Variants in TBC1D24 observed in about 807,000 individuals in gnomAD.
TBC1D24 encodes TBC1 domain family member 24, also known as Infantile myoclonic epilepsy.
TBC1D24 carries 47 observed loss-of-function variants against 50.7 expected under a neutral mutation model. That is an observed-to-expected ratio of 0.93 (90% confidence interval 0.73 to 1.18). TBC1D24 has a LOEUF of 1.18. Among genes scored for constraint, TBC1D24 ranks in the 50% most tolerant of loss-of-function variants. TBC1D24 has a pLI of 0.00. For synonymous variants in TBC1D24, 324 were observed against 335.2 expected, an observed-to-expected ratio of 0.97 and a Z score of 0.36; for missense variants, 688 against 766.5, an observed-to-expected ratio of 0.90 and a Z score of 1.21.
At position 2,504,512 on chromosome 16, in the gene TBC1D24, G is replaced by A. The variant is rs1488378530; in HGVS notation, c.*3554G>A. 1.4e-5 allele frequency: 2 copies of A among 143,564 alleles called. No homozygotes were observed. Among genetic ancestry groups the A allele is most frequent in the African/African-American group, 5.2e-5 (2 of 38,530 alleles). The allele number at this position is 143,564 out of a possible 1,614,324, so 8.9% of individuals were successfully genotyped here. A position where few individuals can be genotyped will look rare whatever the true frequency, so the allele number is the denominator to read the frequency against. ...CGGCTCACCGCAAGCCCCGCCTCCCGGATTCACGCCATTCTCCTGCCTCAG... is the reference window on the plus strand; with the variant it reads ...CGGCTCACCGCAAGCCCCGCCTCCCAGATTCACGCCATTCTCCTGCCTCAG... On this transcript the variant is annotated 3_prime_UTR_variant, in exon 8 of 8. Coordinates refer to ENST00000646147, the MANE Select transcript of TBC1D24 (RefSeq NM_001199107.2).
rs2141877103 is a variant in TBC1D24, at chr16:2,500,333, A to C, written c.1368A>C (p.Pro456=). The change falls in exon 7 of 8, where the codon CCA becomes CCC. Residue 456 remains proline (P), a synonymous_variant. Coordinates refer to ENST00000646147, the MANE Select transcript of TBC1D24 (RefSeq NM_001199107.2). This position sits in a 1 kb window ranked among gnomAD's most constrained non-coding sequence, Gnocchi z 8.0. The part of the protein sequence containing the change: ...VIKHPELTKP[P]PLMAAEPTAP... Reference sequence around the variant, plus strand: ...AGCACCCCGAGCTGACCAAGCCCCCACCCTTGATGGCTGCCGAGCCCACCG... The same window carrying C: ...AGCACCCCGAGCTGACCAAGCCCCCCCCCTTGATGGCTGCCGAGCCCACCG... 1 of 1,610,404 alleles carries C rather than the reference A, an allele frequency of 6.2e-7. No individual in the cohort carries two copies.
At chr16:2,494,750 C>G (rs1405185036) in intron 1 of TBC1D24, among the ~76,000 whole-genome samples, 1 of 152,080 alleles carries the variant, frequency 6.6e-6, no homozygotes, top group African/African-American at 2.4e-5. Flanking sequence ...TCTCTAGCCT[C>G]TCATTACTCA....
chr16:2,500,441 C>A lies in TBC1D24; in HGVS notation c.1476C>A (p.Ser492=). ...CCGCTCGCCACTTCAACCTGCCCTC[C>A]AAGACCGAGTCCATGTTCATGGCGG... ...FLAARHFNLP[S]KTESMFMAGG... Residue 492 remains serine, a synonymous_variant, in exon 7 of 8, where the codon TCC becomes TCA. Coordinates refer to ENST00000646147, the MANE Select transcript of TBC1D24 (RefSeq NM_001199107.2). This position sits in a 1 kb window ranked among gnomAD's most constrained non-coding sequence, Gnocchi z 8.0. 1 of 1,601,140 alleles carries A rather than the reference C, an allele frequency of 6.2e-7. No homozygotes were observed. The highest frequency in any genetic ancestry group is 2.3e-5 in the East Asian group (1 of 44,266).
rs1022822964 is a variant in TBC1D24 at position 2,498,326 on chromosome 16, CCCGAGCGCTTTG to C, written c.1075_1086del (p.Glu359_Ala362del). 6.2e-7 allele frequency: 1 copy of C among 1,610,640 alleles called. No homozygotes were observed. Among genetic ancestry groups the C allele is most frequent in the Non-Finnish European group, 8.5e-7 (1 of 1,178,622 alleles). On this transcript the variant is annotated inframe_deletion, in exon 4 of 8. Coordinates refer to ENST00000646147, the MANE Select transcript of TBC1D24 (RefSeq NM_001199107.2). ...GATGAGAGACATCTGGTCCTGGGTC[CCCGAGCGCTTTG>C]CCCTGTGCCAGCCCCTTCTGCTGTT... is the stretch of plus-strand genomic sequence containing the variant.
intron 4 of TBC1D24, among the ~76,000 whole-genome samples, chr16:2,498,641 C>G (rs1211710277): frequency 6.6e-6 from 1 of 152,230 alleles, no homozygotes; most frequent in Non-Finnish European, 1.5e-5. Context: ...GAGGCAGGAT[C>G]CCCACCTTGG....
In TBC1D24 at chr16:2,502,506, G is replaced by A. The variant is rs2065802567; in HGVS notation, c.*1548G>A. 6.6e-6 allele frequency: 1 copy of A among 152,136 alleles called. No individual in the cohort carries two copies. The highest frequency in any genetic ancestry group is 2.4e-5 in the African/African-American group (1 of 41,184). The allele number at this position is 152,136 out of a possible 1,614,324, so 9.4% of individuals were successfully genotyped here. Reference sequence around the variant, plus strand: ...CCACACCATTGCCTGCTCCTCCCATGGGGCTTTAGCCTCCCCTGACCATCT... The same window carrying A: ...CCACACCATTGCCTGCTCCTCCCATAGGGCTTTAGCCTCCCCTGACCATCT... On this transcript the variant is annotated 3_prime_UTR_variant, in exon 8 of 8. Coordinates refer to ENST00000646147, the MANE Select transcript of TBC1D24 (RefSeq NM_001199107.2).
rs1596949371 is a variant in TBC1D24 at position 2,475,225 on chromosome 16, C to T, written c.-116+55C>T. ...CGCGGCGGGGTGGCGGGTGGCGGGG[C>T]CGGGTCCCCGCTGTCACCGCGGTCG... is the stretch of plus-strand genomic sequence containing the variant. On this transcript the variant is annotated intron_variant, in intron 1 of 7. Transcript: ENST00000646147. This position sits in a 1 kb window ranked among gnomAD's most constrained non-coding sequence, Gnocchi z 4.2. 1 of 149,150 alleles carries T rather than the reference C, an allele frequency of 6.7e-6. No homozygotes were observed. The highest frequency in any genetic ancestry group is 1.9e-4 in the East Asian group (1 of 5,136). 9.2% of individuals were successfully genotyped at this position (149,150 alleles called of 1,614,324 possible). A position where few individuals can be genotyped will look rare whatever the true frequency, so the allele number is the denominator to read the frequency against.
In TBC1D24 at chr16:2,495,686, G is replaced by A. The variant is rs900377859; in HGVS notation, c.-115-348G>A. Among the ~76,000 whole-genome samples the A allele has an allele frequency of 3.2e-4, 48 of 152,280 alleles. 1 individual carries two copies. Among genetic ancestry groups the A allele is most frequent in the Non-Finnish European group, 3.1e-4 (21 of 68,028 alleles). On this transcript the variant is annotated intron_variant, in intron 1 of 7. Coordinates refer to ENST00000646147, the MANE Select transcript of TBC1D24 (RefSeq NM_001199107.2). ...CCCAGCTACTCAGAAGGCTGAGTCT[G>A]GAGAATCGCTTGAACCAGGGGCGAG...
chr16:2,496,495 A>G lies in TBC1D24; in HGVS notation c.347A>G (p.Lys116Arg), dbSNP rs1049190568. The change falls in exon 2 of 8, where the codon AAG becomes AGG. Residue 116 changes from lysine (K) to arginine (R), a missense_variant. By Grantham distance (26) the Lys-to-Arg change is conservative. Transcript: ENST00000646147. ...GCACGCGGCGAGGGGGCCGTGCGCA[A>G]GATCCTCCTGTGCCTGGCCAACCAG... ...LNARGEGAVRKILLCLANQFP... is the reference protein window; with the variant it reads ...LNARGEGAVRRILLCLANQFP... 1 of 1,609,940 alleles carries G rather than the reference A, an allele frequency of 6.2e-7. No homozygotes were observed. Among genetic ancestry groups the G allele is most frequent in the Non-Finnish European group, 8.5e-7 (1 of 1,179,912 alleles).
In TBC1D24 at chr16:2,499,746, G is replaced by T. The variant is rs1012772395; in HGVS notation, c.1207-89G>T. ...GACGGCAATGCCTGCACCCCCACCT[G>T]TGACCTGGGACAGGCCCGTCAGTAG... On this transcript the variant is annotated intron_variant, in intron 5 of 7. Transcript: ENST00000646147. This position sits in a 1 kb window ranked among gnomAD's most constrained non-coding sequence, Gnocchi z 4.0. The T allele has an allele frequency of 3.4e-6, 4 of 1,187,850 alleles. No individual in the cohort carries two copies. The African/African-American group carries it at 6.0e-5, about 18-fold the overall frequency. The allele number at this position is 1,187,850 out of a possible 1,614,324, so 73.6% of individuals were successfully genotyped here.
rs758387784 is a variant in TBC1D24, at chr16:2,499,429, G to T, written c.1206+9G>T. ...AGACCACGCAGAAGGAGGTGAGCAG[G>T]GGCCCTGGAGCCAGGGCTGGCTCTG... On this transcript the variant is annotated intron_variant, in intron 5 of 7. Transcript: ENST00000646147. This position sits in a 1 kb window ranked among gnomAD's most constrained non-coding sequence, Gnocchi z 4.0. The T allele has an allele frequency of 6.2e-7, 1 of 1,612,788 alleles. No individual in the cohort carries two copies. Among genetic ancestry groups the T allele is most frequent in the Non-Finnish European group, 8.5e-7 (1 of 1,179,552 alleles).
At chr16:2,494,920 C>T (rs2065724922) in intron 1 of TBC1D24, among the ~76,000 whole-genome samples, 1 of 152,050 alleles carries the variant, frequency 6.6e-6, no homozygotes, top group Non-Finnish European at 1.5e-5. Context: ...CAACGTGACT[C>T]TCACTCGTAA....
At position 2,502,414 on chromosome 16, in the gene TBC1D24, AC is replaced by A; in HGVS notation, c.*1461del. On this transcript the variant is annotated 3_prime_UTR_variant, in exon 8 of 8. Transcript: ENST00000646147. ...GGCAGGTACCAGCAGTCCTGCCCCC[AC>A]CCCCGTCCCTGCTGGCCTCCAGCCA... is the stretch of plus-strand genomic sequence containing the variant. The A allele has an allele frequency of 7.4e-6, 1 of 136,054 alleles. No individual in the cohort carries two copies. Among genetic ancestry groups the A allele is most frequent in the Non-Finnish European group, 1.6e-5 (1 of 62,026 alleles). 8.4% of individuals were successfully genotyped at this position (136,054 alleles called of 1,614,324 possible). A position where few individuals can be genotyped will look rare whatever the true frequency, so the allele number is the denominator to read the frequency against.
chr16:2,496,988 G>A lies in TBC1D24; in HGVS notation c.840G>A (p.Val280=), dbSNP rs2065748838. 1 of 1,613,876 alleles carries A rather than the reference G, an allele frequency of 6.2e-7. No homozygotes were observed. Among genetic ancestry groups the A allele is most frequent in the African/African-American group, 1.3e-5 (1 of 74,960 alleles). ...TCGTCAGAGACATCGCGAAGACGGT[G>A]TCCCCTGAGAAGCTGCTGGAGAAAG... ...RTFVRDIAKT[V]SPEKLLEKAF... The change falls in exon 2 of 8, where the codon GTG becomes GTA. Residue 280 remains valine, a synonymous_variant. Transcript: ENST00000646147.
rs1448203833 is a variant in TBC1D24 at position 2,501,157 on chromosome 16, T to C, written c.*199T>C. The C allele has an allele frequency of 3.0e-6, 2 of 658,156 alleles. No individual in the cohort carries two copies. The highest frequency in any genetic ancestry group is 5.2e-6 in the Non-Finnish European group (2 of 387,430). 40.8% of individuals were successfully genotyped at this position (658,156 alleles called of 1,614,324 possible). ...TTGGGCTGGGCTTCCCCAGTCCACC[T>C]GCATCTGGGTCAGAGCTGGAGGGCC... On this transcript the variant is annotated 3_prime_UTR_variant, in exon 8 of 8. Coordinates refer to ENST00000646147, the MANE Select transcript of TBC1D24 (RefSeq NM_001199107.2).
intron 1 of TBC1D24, among the ~76,000 whole-genome samples, chr16:2,488,222 A>G (rs1057262180): frequency 6.6e-6 from 1 of 152,150 alleles, no homozygotes; most frequent in African/African-American, 2.4e-5. Flanking sequence ...TGGAGCTCCC[A>G]TGGAGTGAGG....
chr16:2,496,475 C>G lies in TBC1D24; in HGVS notation c.327C>G (p.Arg109=). The G allele has an allele frequency of 5.6e-6, 9 of 1,611,120 alleles. No homozygotes were observed. The highest frequency in any genetic ancestry group is 5.9e-6 in the Non-Finnish European group (7 of 1,179,900). Residue 109 remains arginine, a synonymous_variant, in exon 2 of 8, where the codon CGC becomes CGG. Coordinates refer to ENST00000646147, the MANE Select transcript of TBC1D24 (RefSeq NM_001199107.2). ...TGCCCAGCTACTGCCTGAATGCACGCGGCGAGGGGGCCGTGCGCAAGATCC... is the reference window on the plus strand; with the variant it reads ...TGCCCAGCTACTGCCTGAATGCACGGGGCGAGGGGGCCGTGCGCAAGATCC... The part of the protein sequence containing the change: ...TQVPSYCLNA[R]GEGAVRKILL...
Position 2,502,431 on chromosome 16 carries a change from C to CA in TBC1D24, c.*1473_*1474insA, listed in dbSNP as rs2065801752. 6.6e-6 allele frequency: 1 copy of CA among 152,120 alleles called. No individual in the cohort carries two copies. Among genetic ancestry groups the CA allele is most frequent in the African/African-American group, 2.4e-5 (1 of 41,392 alleles). The allele number at this position is 152,120 out of a possible 1,614,324, so 9.4% of individuals were successfully genotyped here. On this transcript the variant is annotated 3_prime_UTR_variant, in exon 8 of 8. Transcript: ENST00000646147. ...CTGCCCCCACCCCCGTCCCTGCTGGCCTCCAGCCAGTGCCACTTGGAGTCC... is the reference window on the plus strand; with the variant it reads ...CTGCCCCCACCCCCGTCCCTGCTGGCACTCCAGCCAGTGCCACTTGGAGTCC...
rs2065621540 is a variant in TBC1D24 at position 2,483,030 on chromosome 16, C to T, written c.-116+7860C>T. The T allele has an allele frequency of 6.5e-6, 1 of 153,056 alleles. No individual in the cohort carries two copies. Among genetic ancestry groups the T allele is most frequent in the African/African-American group, 2.4e-5 (1 of 41,450 alleles). The allele number at this position is 153,056 out of a possible 1,614,324, so 9.5% of individuals were successfully genotyped here. ...CCCTGTGGTTTGCTGTGTTTGGGGC[C>T]TGCTGTCACAGCACTGGGAGCCTTG... On this transcript the variant is annotated intron_variant, in intron 1 of 7. Transcript: ENST00000646147. This position sits in a 1 kb window ranked among gnomAD's most constrained non-coding sequence, Gnocchi z 4.0.
Sources: gnomAD v4.1 joint callset for allele counts (sites outside exome capture counted in the v4.1 genomes callset) on GRCh38, gnomAD v4.1.1 for gene constraint, Gnocchi (gnomAD v3.1) non-coding constraint, MANE v1.5 for transcripts, NCBI Gene and HGNC (gene_info 2026-07-23, HGNC 2026-07-21) for gene names.